The following USP6NL variants were observed in gnomAD, a reference collection of about 807,000 sequenced individuals.
USP6NL encodes the protein USP6 N-terminal like.
Under a neutral mutation model 61.9 loss-of-function variants are expected in USP6NL, and 26 were observed. That is an observed-to-expected ratio of 0.42 (90% CI 0.31 to 0.58). The LOEUF (loss-of-function observed/expected upper bound fraction) is 0.58. Among genes scored for constraint, USP6NL ranks in the 20% least tolerant of loss-of-function variants. The pLI is 0.16. For synonymous variants in USP6NL, 432 were observed against 390.1 expected, an observed-to-expected ratio of 1.11 and a Z score of -1.27; for missense variants, 1,114 against 1,034.3, an observed-to-expected ratio of 1.08 and a Z score of -1.06.
chr10:11,547,645 A>G (rs572602069), intron 2 of USP6NL, among the ~76,000 whole-genome samples: 2 of 150,222 alleles, frequency 1.3e-5, no homozygotes, highest in South Asian at 2.1e-4. Context: ...GGTTCACGCC[A>G]TTCTCCTGCC....
rs1010762043 is a variant in USP6NL, at chr10:11,495,833, G to A, written c.385-2605C>T. Among the ~76,000 whole-genome samples, 4 of 152,074 alleles carry A rather than the reference G, an allele frequency of 2.6e-5. No individual in the cohort carries two copies. The highest frequency in any genetic ancestry group is 4.8e-5 in the African/African-American group (2 of 41,396). On this transcript the variant is annotated intron_variant, in intron 7 of 14. Coordinates refer to ENST00000609104, the MANE Select transcript of USP6NL (RefSeq NM_014688.5). The surrounding 1 kb of genome is among the most constrained non-coding windows in gnomAD (Gnocchi z 4.6). Reference sequence around the variant, plus strand: ...TTCTTCAAATGAACAGCAAAACTTCGTTTTCTGCTTTTGTTTAAAAGTGGG... The same window carrying A: ...TTCTTCAAATGAACAGCAAAACTTCATTTTCTGCTTTTGTTTAAAAGTGGG...
Position 11,485,823 on chromosome 10 carries a change from T to G in USP6NL, c.753A>C (p.Gln251His). 3 of 1,551,276 alleles carry G rather than the reference T, an allele frequency of 1.9e-6. No individual in the cohort carries two copies. The highest frequency in any genetic ancestry group is 2.6e-6 in the Non-Finnish European group (3 of 1,147,714). The change falls in exon 11 of 15, where the codon CAA (glutamine) becomes CAC (histidine). Residue 251 changes from glutamine (Q) to histidine (H), a missense_variant. Coordinates refer to ENST00000609104, the MANE Select transcript of USP6NL (RefSeq NM_014688.5). The surrounding 1 kb of genome is among the most constrained non-coding windows in gnomAD (Gnocchi z 4.8). The part of the protein sequence containing the change: ...ILNKFLSKLK[Q>H]HLDSQEIYTS... The stretch of plus-strand genomic sequence containing the variant: ...CAGTGGCACATCTACCTACCAAGTG[T>G]TGCTTAAGCTTGGACAGAAATTTGT...
In USP6NL at chr10:11,478,328, T is replaced by C. The variant is rs991631001; in HGVS notation, c.1078+3442A>G. Among the ~76,000 whole-genome samples the C allele has an allele frequency of 2.0e-5, 3 of 152,210 alleles. No homozygotes were observed. Among genetic ancestry groups the C allele is most frequent in the African/African-American group, 7.2e-5 (3 of 41,458 alleles). ...CTGTGGTTGTCCAGTGACCACCTGC[T>C]GACAGCCACGTTTCATATGGTACAC... On this transcript the variant is annotated intron_variant, in intron 14 of 14. Coordinates refer to ENST00000609104, the MANE Select transcript of USP6NL (RefSeq NM_014688.5). This position sits in a 1 kb window ranked among gnomAD's most constrained non-coding sequence, Gnocchi z 6.8.
chr10:11,526,156 T>C (rs1835410960), intron 3 of USP6NL, among the ~76,000 whole-genome samples: 1 of 152,204 alleles, frequency 6.6e-6, no homozygotes, highest in Non-Finnish European at 1.5e-5. Context: ...GTGCCCAAAG[T>C]TCGGTCCACA....
intron 2 of USP6NL, among the ~76,000 whole-genome samples, chr10:11,568,634 T>A (rs1837253449): frequency 6.6e-6 from 1 of 152,216 alleles, no homozygotes; most frequent in Admixed American, 6.5e-5. Context: ...TCACTTTGAC[T>A]ACAAGTAAAA....
intron 2 of USP6NL, among the ~76,000 whole-genome samples, chr10:11,543,812 T>G (rs1381083863): frequency 7.1e-4 from 88 of 124,822 alleles, no homozygotes; most frequent in African/African-American, 2.5e-3. Context: ...GGTTTTTTTT[T>G]TTTTTTTTTT....
intron 6 of USP6NL, among the ~76,000 whole-genome samples, chr10:11,508,656 C>T (rs1041609030): frequency 3.3e-5 from 5 of 152,148 alleles, no homozygotes; most frequent in Non-Finnish European, 7.4e-5. Flanking sequence ...AAATATCAAC[C>T]CTTGACAGAG....
At chr10:11,609,554 A>T (rs1232759186) in intron 1 of USP6NL, among the ~76,000 whole-genome samples, 1 of 152,214 alleles carries the variant, frequency 6.6e-6, no homozygotes, top group Non-Finnish European at 1.5e-5. Flanking sequence ...TCCCAAAGCT[A>T]TCCTATTCTA....
intron 2 of USP6NL, among the ~76,000 whole-genome samples, chr10:11,573,051 T>C (rs1252215585): frequency 6.6e-6 from 1 of 152,172 alleles, no homozygotes; most frequent in African/African-American, 2.4e-5. Flanking sequence ...GTTTTTAATA[T>C]AATTAACATT....
intron 6 of USP6NL, 74 bp from the exon 7 acceptor site, chr10:11,501,282 T>TAACA: frequency 5.2e-6 from 6 of 1,163,082 alleles, no homozygotes; most frequent in Non-Finnish European, 7.3e-6. Context: ...TTAATCTTGC[T>TAACA]AATATTTGTT....
rs756436592 is a variant in USP6NL, at chr10:11,470,881, T to C, written c.1079-7032A>G. Among the ~76,000 whole-genome samples the C allele has an allele frequency of 9.2e-5, 14 of 152,172 alleles. No individual in the cohort carries two copies. Among genetic ancestry groups the C allele is most frequent in the Non-Finnish European group, 2.1e-4 (14 of 68,026 alleles). The stretch of plus-strand genomic sequence containing the variant: ...CTAAAATTTTATTTTCCCTTTCCTC[T>C]CCCTAAAAACACAGGAATTGGAGGC... On this transcript the variant is annotated intron_variant, in intron 14 of 14. Transcript: ENST00000609104. The surrounding 1 kb of genome is among the most constrained non-coding windows in gnomAD (Gnocchi z 5.4).
rs1833875966 is a variant in USP6NL at position 11,495,362 on chromosome 10, T to C, written c.385-2134A>G. Among the ~76,000 whole-genome samples, 1 of 152,242 alleles carries C rather than the reference T, an allele frequency of 6.6e-6. No individual in the cohort carries two copies. ...ATCTGGTATAACTATTCTTGTTTTA[T>C]ATTTTATTATACTGGAACAGCTCGT... On this transcript the variant is annotated intron_variant, in intron 7 of 14. Coordinates refer to ENST00000609104, the MANE Select transcript of USP6NL (RefSeq NM_014688.5). This position sits in a 1 kb window ranked among gnomAD's most constrained non-coding sequence, Gnocchi z 4.6.
In USP6NL at chr10:11,597,864, T is replaced by C. The variant is rs1165981840; in HGVS notation, c.-83-147A>G. The C allele has an allele frequency of 3.9e-6, 2 of 507,878 alleles. No individual in the cohort carries two copies. Among genetic ancestry groups the C allele is most frequent in the Non-Finnish European group, 7.0e-6 (2 of 285,176 alleles). 31.5% of individuals were successfully genotyped at this position (507,878 alleles called of 1,614,324 possible). A position where few individuals can be genotyped will look rare whatever the true frequency, so the allele number is the denominator to read the frequency against. ...TGATCACCTATTAAATATAAAAGAT[T>C]ATTAATCAACTTTTAGAATATCCTG... On this transcript the variant is annotated intron_variant, in intron 1 of 14. Transcript: ENST00000609104. This position sits in a 1 kb window ranked among gnomAD's most constrained non-coding sequence, Gnocchi z 4.6.
At position 11,531,683 on chromosome 10, in the gene USP6NL, AACT is replaced by A. The variant is rs1375372793; in HGVS notation, c.5-4119_5-4117del. ...GATGTTTGTTTAAAAAAAAAAAAAA[AACT>A]ACATTATCCAAGCCAAATTAAATCA... On this transcript the variant is annotated intron_variant, in intron 2 of 14. Transcript: ENST00000609104. Among the ~76,000 whole-genome samples the A allele has an allele frequency of 1.5e-3, 235 of 152,106 alleles. 1 individual carries two copies. The highest frequency in any genetic ancestry group is 3.7e-3 in the Admixed American group (56 of 15,272).
At chr10:11,554,481 A>T (rs1836605156) in intron 2 of USP6NL, among the ~76,000 whole-genome samples, 1 of 152,226 alleles carries the variant, frequency 6.6e-6, no homozygotes, top group Non-Finnish European at 1.5e-5. Flanking sequence ...TTCGGGATCC[A>T]CTAAAGGGGC....
chr10:11,484,177 G>T (rs1168230447), intron 13 of USP6NL, among the ~76,000 whole-genome samples: 1 of 152,186 alleles, frequency 6.6e-6, no homozygotes, highest in Non-Finnish European at 1.5e-5. Context: ...ACCTGGATTA[G>T]AAGTACGTGT....
At chr10:11,534,930 A>G (rs1835777752) in intron 2 of USP6NL, among the ~76,000 whole-genome samples, 1 of 152,240 alleles carries the variant, frequency 6.6e-6, no homozygotes, top group African/African-American at 2.4e-5. Context: ...ACTTTCTAGA[A>G]GCAATCATTG....
intron 2 of USP6NL, among the ~76,000 whole-genome samples, chr10:11,547,989 G>A (rs1836347845): frequency 6.6e-6 from 1 of 152,146 alleles, no homozygotes; most frequent in African/African-American, 2.4e-5. Context: ...GAAACTTAAA[G>A]CTCAACCTCT....
In USP6NL at chr10:11,495,437, C is replaced by A. The variant is rs1359975875; in HGVS notation, c.385-2209G>T. Among the ~76,000 whole-genome samples the A allele has an allele frequency of 6.6e-6, 1 of 152,154 alleles. No homozygotes were observed. The highest frequency in any genetic ancestry group is 1.5e-5 in the Non-Finnish European group (1 of 68,028). On this transcript the variant is annotated intron_variant, in intron 7 of 14. Coordinates refer to ENST00000609104, the MANE Select transcript of USP6NL (RefSeq NM_014688.5). The surrounding 1 kb of genome is among the most constrained non-coding windows in gnomAD (Gnocchi z 4.6). ...CTGGATGGCTTGCCGCCCACACCCT[C>A]CCTCCATTCCCATTTTCTTTTTCTG...
Sources: gnomAD v4.1 joint callset for allele counts (sites outside exome capture counted in the v4.1 genomes callset) on GRCh38, gnomAD v4.1.1 for gene constraint, Gnocchi (gnomAD v3.1) non-coding constraint, MANE v1.5 for transcripts, NCBI Gene and HGNC (gene_info 2026-07-23, HGNC 2026-07-21) for gene names.